Variants in TCTN1 observed in about 807,000 individuals in gnomAD.
TCTN1 encodes tectonic family member 1.
TCTN1 carries 58 observed loss-of-function variants against 65.8 expected under a neutral mutation model. That is an observed-to-expected ratio of 0.88 (90% CI 0.71 to 1.10). The LOEUF (loss-of-function observed/expected upper bound fraction) is 1.10. TCTN1 is among the 50% of genes least tolerant of loss of function. The probability of loss-of-function intolerance (pLI) is 0.00; values close to 1 mark genes in which losing one functional copy is unlikely to be tolerated. For missense variants in TCTN1, 645 were observed against 719.4 expected, an observed-to-expected ratio of 0.90 and a Z score of 1.18; for synonymous variants, 273 against 289.1, an observed-to-expected ratio of 0.94 and a Z score of 0.57.
chr12:110,648,147 A>C (rs1340854899), intron 14 of TCTN1, among the ~76,000 whole-genome samples: 1 of 152,010 alleles, frequency 6.6e-6, no homozygotes, highest in Admixed American at 6.6e-5. Flanking sequence ...ATTTTAATAT[A>C]GTTTGTAGAG....
At chr12:110,648,986 A>T (rs1015249313) in intron 14 of TCTN1, 57 bp from the exon 15 acceptor site, 2 of 450,140 alleles carry the variant, frequency 4.4e-6, no homozygotes, top group African/African-American at 4.1e-5. Context: ...GCTTGAAAAT[A>T]AGAGACTTTT....
At chr12:110,634,514 T>TAAA (rs1378630566) in intron 5 of TCTN1, 156 bp from the exon 6 acceptor site, 2 of 676,046 alleles carry the variant, frequency 3.0e-6, no homozygotes, top group African/African-American at 3.7e-5. Flanking sequence ...TTGTCTCTAC[T>TAAA]AAAAAAACAA....
At chr12:110,632,350 T>C in intron 4 of TCTN1, 122 bp from the exon 5 acceptor site, 1 of 962,296 alleles carries the variant, frequency 1.0e-6, no homozygotes, top group Non-Finnish European at 1.7e-6. Flanking sequence ...ACCACATCTG[T>C]TTTTTGCTCA....
rs1351173953 is a variant in TCTN1 at position 110,649,278 on chromosome 12, A to C, written c.*237A>C. ...ACAAGGCTGTGTCCACCCAGAATCCATGCTGGCAGGAGGGAGGCAGAGGTA... is the reference window on the plus strand; with the variant it reads ...ACAAGGCTGTGTCCACCCAGAATCCCTGCTGGCAGGAGGGAGGCAGAGGTA... On this transcript the variant is annotated 3_prime_UTR_variant, in exon 15 of 15. Transcript: ENST00000397659. 8.2e-6 allele frequency: 6 copies of C among 729,672 alleles called. No homozygotes were observed. The highest frequency in any genetic ancestry group is 1.5e-5 in the Non-Finnish European group (6 of 407,798). The allele number at this position is 729,672 out of a possible 1,614,324, so 45.2% of individuals were successfully genotyped here.
intron 4 of TCTN1, among the ~76,000 whole-genome samples, chr12:110,630,603 G>A (rs1406486651): frequency 6.6e-6 from 1 of 152,202 alleles, no homozygotes; most frequent in East Asian, 1.9e-4. Context: ...TAAGTTGAAA[G>A]ATCCCTGTAT....
At chr12:110,645,387 AGAG>A (rs2067232385) in intron 12 of TCTN1, 1 of 496,180 alleles carries the variant, frequency 2.0e-6, no homozygotes, top group Non-Finnish European at 3.7e-6. Flanking sequence ...TGGGGCATTG[AGAG>A]GGTTAAGTGA....
chr12:110,633,900 AT>A (rs2066390601), intron 5 of TCTN1, among the ~76,000 whole-genome samples: 1 of 152,218 alleles, frequency 6.6e-6, no homozygotes, highest in Admixed American at 6.5e-5. Context: ...CCAGGAGTTG[AT>A]CCTACAGAAA....
chr12:110,632,691 T>A, intron 5 of TCTN1, 132 bp downstream of exon 5: 1 of 891,384 alleles, frequency 1.1e-6, no homozygotes, highest in Non-Finnish European at 1.8e-6. Flanking sequence ...CTTAATACTT[T>A]ACATTTGTAG....
chr12:110,641,881 T>A, intron 10 of TCTN1: 1 of 567,790 alleles, frequency 1.8e-6, no homozygotes, highest in Non-Finnish European at 3.1e-6. Flanking sequence ...TAATCTCCTT[T>A]TTTTTTTCAG....
chr12:110,648,602 T>C (rs2067567972), intron 14 of TCTN1: 2 of 159,614 alleles, frequency 1.3e-5, no homozygotes, highest in African/African-American at 4.8e-5. Context: ...AAATATTAGA[T>C]AAAATCATGC....
At chr12:110,629,040 A>C (rs182419207) in intron 4 of TCTN1, 122 bp downstream of exon 4, 1 of 1,101,120 alleles carries the variant, frequency 9.1e-7, no homozygotes, top group Non-Finnish European at 1.3e-6. Flanking sequence ...TAGACTAAAA[A>C]ACTTAATGTT....
chr12:110,633,938 T>G (rs962356676), intron 5 of TCTN1, among the ~76,000 whole-genome samples: 1 of 152,196 alleles, frequency 6.6e-6, no homozygotes, highest in African/African-American at 2.4e-5. Flanking sequence ...AAATAATAGA[T>G]TGCAGCATTG....
intron 5 of TCTN1, among the ~76,000 whole-genome samples, chr12:110,633,925 G>A (rs1352870637): frequency 6.6e-6 from 1 of 152,192 alleles, no homozygotes; most frequent in Non-Finnish European, 1.5e-5. Flanking sequence ...TGGCCAATAT[G>A]CAAAATAATA....
Position 110,616,161 on chromosome 12 carries a change from A to C in TCTN1, c.220+1759A>C, listed in dbSNP as rs138187186. 8.5e-4 allele frequency: 246 copies of C among 288,536 alleles called. 1 individual carries two copies. Among genetic ancestry groups the C allele is most frequent in the African/African-American group, 5.1e-3 (234 of 45,776 alleles). 17.9% of individuals were successfully genotyped at this position (288,536 alleles called of 1,614,324 possible). ...ATCTGTTAATGCATTTTCTCTCCAA[A>C]ATAAAGCTATGCTTGAAACATCATT... On this transcript the variant is annotated intron_variant, in intron 1 of 14. Coordinates refer to ENST00000397659, the MANE Select transcript of TCTN1 (RefSeq NM_001082538.3).
chr12:110,625,946 GTTTTACC>G (rs1172105115), intron 2 of TCTN1: 1 of 160,658 alleles, frequency 6.2e-6, no homozygotes, highest in Non-Finnish European at 1.3e-5. Flanking sequence ...TGGAGATGGG[GTTTTACC>G]ATCTTGGCCA....
At chr12:110,641,260 G>A in intron 9 of TCTN1, 111 bp downstream of exon 9, 2 of 1,419,714 alleles carry the variant, frequency 1.4e-6, no homozygotes, top group Non-Finnish European at 2.0e-6. Context: ...CCTTTGTAGT[G>A]AACAGAGGGC....
At chr12:110,647,548 A>C (rs566658582) in intron 13 of TCTN1, 175 of 1,023,208 alleles carry the variant, frequency 1.7e-4, no homozygotes, top group Non-Finnish European at 2.4e-4. Context: ...ATTCTCATGA[A>C]AATTATGATA....
chr12:110,614,558 A>C, intron 1 of TCTN1, 156 bp downstream of exon 1: 2 of 1,431,090 alleles, frequency 1.4e-6, no homozygotes, highest in Non-Finnish European at 1.9e-6. Context: ...CTAAACAATA[A>C]CCCTGAGAAG....
Position 110,614,223 on chromosome 12 carries a change from T to A in TCTN1, c.41T>A (p.Leu14Gln). The change falls in exon 1 of 15, where the codon CTG (leucine) becomes CAG (glutamine). Residue 14 changes from leucine (L) to glutamine (Q), a missense_variant. Leu to Gln is a moderately radical substitution (Grantham distance 113). Transcript: ENST00000397659. ...RGLPPLLVVL[L>Q]GCWASVSAQT... ...CTCCCGCCGCTCCTGGTGGTGCTCC[T>A]GGGCTGCTGGGCCTCCGTGAGCGCC... is the stretch of plus-strand genomic sequence containing the variant. The A allele has an allele frequency of 6.3e-7, 1 of 1,586,328 alleles. No homozygotes were observed. The highest frequency in any genetic ancestry group is 8.6e-7 in the Non-Finnish European group (1 of 1,167,200).
Sources: gnomAD v4.1 joint callset for allele counts (sites outside exome capture counted in the v4.1 genomes callset) on GRCh38, gnomAD v4.1.1 for gene constraint, MANE v1.5 for transcripts, NCBI Gene and HGNC (gene_info 2026-07-23, HGNC 2026-07-21) for gene names.